Variants in EFCAB6 observed in about 807,000 individuals in gnomAD.
EFCAB6 encodes EF-hand calcium binding domain 6, also known as EF-hand calcium-binding domain-containing protein 6.
EFCAB6 carries 156 observed loss-of-function variants against 169.8 expected under a neutral mutation model. The ratio of observed to expected loss-of-function variants is 0.92; its 90% CI spans 0.81 to 1.05. The LOEUF (loss-of-function observed/expected upper bound fraction) is 1.05, where lower values mean the gene tolerates loss of function less well. Among genes scored for constraint, EFCAB6 ranks in the 50% least tolerant of loss-of-function variants. The pLI is 0.00. For missense variants in EFCAB6, 1,800 were observed against 1,829.1 expected (o/e 0.98, Z 0.29); for synonymous variants, 698 against 676.4 (o/e 1.03, Z -0.50).
chr22:43,748,835 C>T (rs1843509908), intron 6 of EFCAB6, among the ~76,000 whole-genome samples: 1 of 152,128 alleles, frequency 6.6e-6, no homozygotes, highest in South Asian at 2.1e-4. Flanking sequence ...GGGCAGAGCT[C>T]TGAAAGCTGG....
rs2053086592 is a variant in EFCAB6 at position 43,608,584 on chromosome 22, T to C, written c.2579A>G (p.Asp860Gly). Residue 860 changes from aspartate (D) to glycine (G), a missense_variant, in exon 22 of 32, where the codon GAT becomes GGT. Physicochemically the swap from Asp to Gly is moderately conservative, Grantham distance 94. Transcript: ENST00000262726. ...SDLSKNFLET[D>G]NEGNGILRRR... ...TCGAAGAATGCCATTGCCCTCATTA[T>C]CGGTTTCTAGAAAATTCTACAACAT... 6.2e-7 allele frequency: 1 copy of C among 1,614,202 alleles called. No individual in the cohort carries two copies. The highest frequency in any genetic ancestry group is 8.5e-7 in the Non-Finnish European group (1 of 1,180,022).
At chr22:43,673,235 C>T (rs1203452753) in intron 13 of EFCAB6, among the ~76,000 whole-genome samples, 1 of 152,148 alleles carries the variant, frequency 6.6e-6, no homozygotes, top group Non-Finnish European at 1.5e-5. Context: ...CCTTTCACTC[C>T]ATCCCCTCTT....
intron 21 of EFCAB6, among the ~76,000 whole-genome samples, chr22:43,610,365 A>G (rs1465587332): frequency 3.3e-5 from 5 of 152,344 alleles, no homozygotes; most frequent in East Asian, 3.9e-4. Context: ...GAAGACTTAA[A>G]GTCTCGAGCA....
chr22:43,684,394 G>C (rs745385394), intron 11 of EFCAB6, among the ~76,000 whole-genome samples: 2 of 152,096 alleles, frequency 1.3e-5, no homozygotes, highest in Non-Finnish European at 2.9e-5. Context: ...GGGCCCGTCA[G>C]TGTACATGTG....
chr22:43,777,254 G>T (rs731403), intron 3 of EFCAB6, among the ~76,000 whole-genome samples: 4,881 of 152,222 alleles, frequency 0.032, 201 homozygotes, highest in African/African-American at 0.096. Context: ...CTGAGATGCC[G>T]GTTAGATGCG....
chr22:43,779,071 T>C (rs1243228957), intron 3 of EFCAB6, among the ~76,000 whole-genome samples: 1 of 152,092 alleles, frequency 6.6e-6, no homozygotes, highest in East Asian at 1.9e-4. Flanking sequence ...ATGGTGAACA[T>C]ATAGGGAATT....
chr22:43,620,837 T>G (rs893976325), intron 20 of EFCAB6, among the ~76,000 whole-genome samples: 3 of 152,084 alleles, frequency 2.0e-5, no homozygotes, highest in Non-Finnish European at 4.4e-5. Flanking sequence ...TAGAAAATAA[T>G]GAAGAATATA....
chr22:43,602,125 C>A (rs191524452), intron 22 of EFCAB6, among the ~76,000 whole-genome samples: 3 of 152,318 alleles, frequency 2.0e-5, no homozygotes, highest in Non-Finnish European at 2.9e-5. Flanking sequence ...AGCTGGGAGC[C>A]GTCCCGGGCA....
At chr22:43,634,203 A>C (rs1455008306) in intron 18 of EFCAB6, among the ~76,000 whole-genome samples, 1 of 152,162 alleles carries the variant, frequency 6.6e-6, no homozygotes, top group Non-Finnish European at 1.5e-5. Flanking sequence ...CACTCACTAA[A>C]ATGCAGGTGA....
chr22:43,573,929 A>T (rs2050062170), intron 26 of EFCAB6, among the ~76,000 whole-genome samples: 2 of 152,190 alleles, frequency 1.3e-5, no homozygotes, highest in South Asian at 2.1e-4. Flanking sequence ...TTATGTCTTT[A>T]AAAATGGTAA....
intron 28 of EFCAB6, among the ~76,000 whole-genome samples, chr22:43,539,887 C>T (rs546270532): frequency 4.4e-4 from 67 of 152,316 alleles, no homozygotes; most frequent in African/African-American, 1.4e-3. Context: ...ACCTTGCACC[C>T]GCTCTTGCCT....
chr22:43,591,195 C>A (rs1481862569), intron 23 of EFCAB6, among the ~76,000 whole-genome samples: 1 of 149,618 alleles, frequency 6.7e-6, no homozygotes, highest in African/African-American at 2.5e-5. Context: ...GGGTGGCTCA[C>A]GCCCACAATC....
chr22:43,736,574 C>T (rs553436611), intron 6 of EFCAB6, among the ~76,000 whole-genome samples: 12 of 152,038 alleles, frequency 7.9e-5, no homozygotes, highest in South Asian at 6.2e-4. Flanking sequence ...GGCTCACAGA[C>T]GCACACGACA....
At chr22:43,743,307 G>A (rs1226122905) in intron 6 of EFCAB6, among the ~76,000 whole-genome samples, 1 of 152,164 alleles carries the variant, frequency 6.6e-6, no homozygotes, top group Admixed American at 6.5e-5. Context: ...ACTGCTCTGG[G>A]CTGGAGCGAC....
chr22:43,630,922 A>G (rs1356137976), intron 19 of EFCAB6, among the ~76,000 whole-genome samples: 1 of 150,724 alleles, frequency 6.6e-6, no homozygotes, highest in East Asian at 1.9e-4. Flanking sequence ...ATTAGGATGC[A>G]CATTCTGAAA....
intron 23 of EFCAB6, among the ~76,000 whole-genome samples, chr22:43,591,100 T>G (rs1317218233): frequency 9.8e-5 from 10 of 101,844 alleles, no homozygotes; most frequent in South Asian, 2.8e-4. Context: ...TGTTGTTGTT[T>G]TTTGTTTTTT....
At chr22:43,808,745 T>A (rs1311952622) in intron 2 of EFCAB6, among the ~76,000 whole-genome samples, 1 of 151,424 alleles carries the variant, frequency 6.6e-6, no homozygotes, top group Non-Finnish European at 1.5e-5. Flanking sequence ...AAACAAAAAG[T>A]GAGTCCAGAA....
At chr22:43,545,329 T>C (rs999548506) in intron 27 of EFCAB6, among the ~76,000 whole-genome samples, 1 of 152,184 alleles carries the variant, frequency 6.6e-6, no homozygotes, top group Non-Finnish European at 1.5e-5. Context: ...CACTTCTAAA[T>C]AGTTTACAGT....
At chr22:43,608,644 G>T in intron 21 of EFCAB6, 44 bp from the exon 22 acceptor site, 1 of 1,570,098 alleles carries the variant, frequency 6.4e-7, no homozygotes, top group Non-Finnish European at 8.8e-7. Context: ...TGAAATGTGC[G>T]TATGACAGCA....
Sources: gnomAD v4.1 joint callset for allele counts (sites outside exome capture counted in the v4.1 genomes callset) on GRCh38, gnomAD v4.1.1 for gene constraint, MANE v1.5 for transcripts, NCBI Gene and HGNC (gene_info 2026-07-23, HGNC 2026-07-21) for gene names.